The following FAM234A variants were observed in gnomAD, a reference collection of about 807,000 sequenced individuals.
FAM234A encodes protein FAM234A.
A neutral mutation model predicts 49.1 loss-of-function variants in FAM234A; 42 were observed. That is an observed-to-expected ratio of 0.86 (90% CI 0.67 to 1.11). The LOEUF (loss-of-function observed/expected upper bound fraction) is 1.11, where lower values mean the gene tolerates loss of function less well. Ranked by LOEUF, FAM234A falls within the 50% of genes least tolerant of loss-of-function variation. The pLI is 0.00. For synonymous variants in FAM234A, 369 were observed against 316.2 expected (o/e 1.17, Z -1.77); for missense variants, 815 against 745.2 (o/e 1.09, Z -1.09).
At chr16:269,300 C>G (rs200125295), downstream of FAM234A, 251 of 1,585,734 alleles carry the variant, frequency 1.6e-4, 1 homozygote, top group African/African-American at 3.0e-3. Flanking sequence ...CCCAGGGCCA[C>G]AAGCCGCTGT....
intron 2 of FAM234A, among the ~76,000 whole-genome samples, chr16:250,370 C>T (rs1019652031): frequency 6.6e-6 from 1 of 151,366 alleles, no homozygotes; most frequent in African/African-American, 2.5e-5. Flanking sequence ...CTCCTACGTT[C>T]TGTTGCTGGC....
In FAM234A at chr16:264,775, T is replaced by C. The variant is rs535692384; in HGVS notation, c.1448-36T>C. The C allele has an allele frequency of 1.8e-5, 29 of 1,607,004 alleles. No homozygotes were observed. The African/African-American group carries it at 3.5e-4, about 19-fold the overall frequency. ...CCGCGGGGTCTGCCCTGGCTGGTCC[T>C]GAGCCGCCCTGACAGCTGTGTCCCC... On this transcript the variant is annotated intron_variant, in intron 12 of 12. Transcript: ENST00000399932.
In FAM234A at chr16:257,687, G is replaced by A. The variant is rs572469634; in HGVS notation, c.269-1796G>A. Among the ~76,000 whole-genome samples the A allele has an allele frequency of 1.1e-4, 16 of 151,806 alleles. No individual in the cohort carries two copies. The East Asian group carries it at 2.7e-3, about 26-fold the overall frequency. On this transcript the variant is annotated intron_variant, in intron 3 of 12. Coordinates refer to ENST00000399932, the MANE Select transcript of FAM234A (RefSeq NM_032039.4). ...TTTTGAGTTCATTTTTGTGCATGAC[G>A]TAAAGATTCAACTTCATGCTGGGCG...
intron 1 of FAM234A, among the ~76,000 whole-genome samples, chr16:243,719 A>G (rs1048978644): frequency 6.6e-6 from 1 of 152,190 alleles, no homozygotes; most frequent in Admixed American, 6.6e-5. Context: ...CCAGCTTTTT[A>G]ATTTTCCAAA....
chr16:255,733 C>A (rs1289617541), intron 3 of FAM234A, among the ~76,000 whole-genome samples: 1 of 152,128 alleles, frequency 6.6e-6, no homozygotes, highest in Admixed American at 6.5e-5. Context: ...GCACAATCTC[C>A]GCTCATCTCA....
chr16:251,146 A>AC (rs1467218300), intron 2 of FAM234A, among the ~76,000 whole-genome samples: 10 of 151,922 alleles, frequency 6.6e-5, no homozygotes, highest in East Asian at 1.9e-4. Context: ...TTTAGTAGAG[A>AC]TGGCTTTCAC....
chr16:263,732 C>A lies in FAM234A; in HGVS notation c.1145C>A (p.Thr382Asn), dbSNP rs868277193. 6.2e-7 allele frequency: 1 copy of A among 1,614,130 alleles called. No homozygotes were observed. The highest frequency in any genetic ancestry group is 1.3e-5 in the African/African-American group (1 of 75,070). Residue 382 changes from threonine to asparagine, a missense_variant, in exon 10 of 13, where the codon ACC becomes AAC. By Grantham distance (65) the Thr-to-Asn change is moderately conservative (BLOSUM62 0). Coordinates refer to ENST00000399932, the MANE Select transcript of FAM234A (RefSeq NM_032039.4). ...KPIFGRYKPDTLAVAVENGTG... is the reference protein window; with the variant it reads ...KPIFGRYKPDNLAVAVENGTG... ...ATCTTCGGCCGCTACAAACCAGACA[C>A]CTTGGCTGTAGCCGTTGAAAACGGA...
At chr16:243,445 A>T (rs1690902856) in intron 1 of FAM234A, among the ~76,000 whole-genome samples, 1 of 152,298 alleles carries the variant, frequency 6.6e-6, no homozygotes, top group East Asian at 1.9e-4. Flanking sequence ...TTTCTCTGCC[A>T]GTCAGGTTCC....
At chr16:266,547 G>A (rs750786962), downstream of FAM234A, among the ~76,000 whole-genome samples, 3 of 152,176 alleles carry the variant, frequency 2.0e-5, no homozygotes, top group Non-Finnish European at 2.9e-5. Context: ...GTGAGGGGCA[G>A]GCAGGTGCTT....
chr16:238,113 G>C (rs986015239), intron 1 of FAM234A, among the ~76,000 whole-genome samples: 1 of 152,026 alleles, frequency 6.6e-6, no homozygotes. Context: ...CCGCCTCCCA[G>C]GTTCAAGCGA....
At chr16:268,516 G>A (rs779956213), downstream of FAM234A, 15 of 554,886 alleles carry the variant, frequency 2.7e-5, no homozygotes, top group South Asian at 1.2e-4. Context: ...GCCAGCTCAC[G>A]AAGGAAGACT....
intron 3 of FAM234A, among the ~76,000 whole-genome samples, chr16:257,236 C>CTTTTTTTT (rs759071082): frequency 1.1e-5 from 1 of 89,014 alleles, no homozygotes. Context: ...TCAATGAAGT[C>CTTTTTTTT]TTTTTTTTTT....
At chr16:254,308 G>A in intron 2 of FAM234A, 73 bp from the exon 3 acceptor site, 2 of 1,312,386 alleles carry the variant, frequency 1.5e-6, no homozygotes, top group South Asian at 1.4e-5. Context: ...GCCGACGCCA[G>A]CAGACCCCTC....
chr16:267,545 A>T (rs946298332), downstream of FAM234A, among the ~76,000 whole-genome samples: 1 of 151,630 alleles, frequency 6.6e-6, no homozygotes, highest in African/African-American at 2.4e-5. Context: ...CCACACATGC[A>T]TGCCTCACAG....
chr16:259,577 C>T lies in FAM234A; in HGVS notation c.363C>T (p.Phe121=). 1 of 1,607,474 alleles carries T rather than the reference C, an allele frequency of 6.2e-7. No homozygotes were observed. The highest frequency in any genetic ancestry group is 8.5e-7 in the Non-Finnish European group (1 of 1,173,904). The part of the protein sequence containing the change: ...LYKNTNSSNN[F]SRSCVDEGFS... ...AAAACACCAACAGCAGCAACAATTTCAGCCGATCCTGTGTGGACGAAGGTA... is the reference window on the plus strand; with the variant it reads ...AAAACACCAACAGCAGCAACAATTTTAGCCGATCCTGTGTGGACGAAGGTA... The change falls in exon 4 of 13, where the codon TTC becomes TTT. Residue 121 remains phenylalanine (F), a synonymous_variant. Transcript: ENST00000399932.
At chr16:266,926 T>A (rs559312222), downstream of FAM234A, among the ~76,000 whole-genome samples, 36 of 151,742 alleles carry the variant, frequency 2.4e-4, no homozygotes, top group South Asian at 5.6e-3. Flanking sequence ...AAGGGAGGGG[T>A]CACCCTGCAG....
In FAM234A at chr16:264,667, C is replaced by G. The variant is rs375392908; in HGVS notation, c.1398C>G (p.Arg466=). The G allele has an allele frequency of 6.2e-7, 1 of 1,612,134 alleles. No homozygotes were observed. The highest frequency in any genetic ancestry group is 1.7e-5 in the Admixed American group (1 of 60,028). Residue 466 remains arginine (R), a synonymous_variant, in exon 12 of 13, where the codon CGC becomes CGG. Coordinates refer to ENST00000399932, the MANE Select transcript of FAM234A (RefSeq NM_032039.4). ...ACATGTTCCACCCCACCCTGCCGCG[C>G]GTGCTGCTGGAGCTGGCCAATGTCT... ...SLYMFHPTLP[R]VLLELANVST...
downstream of FAM234A, among the ~76,000 whole-genome samples, chr16:266,356 T>G (rs528836145): frequency 6.6e-6 from 1 of 152,210 alleles, no homozygotes; most frequent in Non-Finnish European, 1.5e-5. Context: ...CCTGGCCCCA[T>G]GCAAGCGGGT....
At chr16:251,477 G>T (rs2051004105) in intron 2 of FAM234A, among the ~76,000 whole-genome samples, 1 of 151,772 alleles carries the variant, frequency 6.6e-6, no homozygotes, top group African/African-American at 2.4e-5. Flanking sequence ...CTGGGCTCTA[G>T]TGATCTTCCT....
Sources: gnomAD v4.1 joint callset for allele counts (sites outside exome capture counted in the v4.1 genomes callset) on GRCh38, gnomAD v4.1.1 for gene constraint, MANE v1.5 for transcripts, NCBI Gene and HGNC (gene_info 2026-07-23, HGNC 2026-07-21) for gene names.